The following PCDHGA1 variants were observed in gnomAD, a reference collection of about 807,000 sequenced individuals.
PCDHGA1 encodes the protein protocadherin gamma-A1.
PCDHGA1 carries 32 observed loss-of-function variants against 58.0 expected under a neutral mutation model. That is an observed-to-expected ratio of 0.55 (90% CI 0.42 to 0.74). PCDHGA1 has a LOEUF of 0.74. Ranked by LOEUF, PCDHGA1 falls within the 30% of genes least tolerant of loss-of-function variation. The pLI, the probability that PCDHGA1 is intolerant of heterozygous loss-of-function variation, is 0.00. For synonymous variants in PCDHGA1, 498 were observed against 501.1 expected, an observed-to-expected ratio of 0.99 and a Z score of 0.08; for missense variants, 1,205 against 1,182.3, an observed-to-expected ratio of 1.02 and a Z score of -0.28.
Position 141,476,340 on chromosome 5 carries a change from G to A in PCDHGA1, c.2422-18467G>A, listed in dbSNP as rs760616287. The A allele has an allele frequency of 2.2e-5, 36 of 1,614,068 alleles. No homozygotes were observed. In the Admixed American group the frequency reaches 2.5e-4, roughly 11 times the overall value. On this transcript the variant is annotated intron_variant, in intron 1 of 3. Transcript: ENST00000517417. The surrounding 1 kb of genome is among the most constrained non-coding windows in gnomAD (Gnocchi z 7.6). The stretch of plus-strand genomic sequence containing the variant: ...CGGGTGGTGTCTGGAGCTAGCCGAA[G>A]ATTCTTTGAGGTGAACCGGGAGACC...
At position 141,354,490 on chromosome 5, in the gene PCDHGA1, C is replaced by T. The variant is rs990013308; in HGVS notation, c.2421+21385C>T. On this transcript the variant is annotated intron_variant, in intron 1 of 3. Coordinates refer to ENST00000517417, the MANE Select transcript of PCDHGA1 (RefSeq NM_018912.3). Reference sequence around the variant, plus strand: ...GTACAGGGTAAGGCTAACTCTTGAACAGTAGGTGAGTTTTTTGCAAGGGAA... The same window carrying T: ...GTACAGGGTAAGGCTAACTCTTGAATAGTAGGTGAGTTTTTTGCAAGGGAA... Among the ~76,000 whole-genome samples, 11 of 152,206 alleles carry T rather than the reference C, an allele frequency of 7.2e-5. 1 individual carries two copies. Among genetic ancestry groups the T allele is most frequent in the Non-Finnish European group, 1.5e-4 (10 of 68,048 alleles).
chr5:141,389,398 T>A, intron 1 of PCDHGA1: 1 of 1,613,654 alleles, frequency 6.2e-7, no homozygotes. Flanking sequence ...TACGTGTCCA[T>A]AAGCGCGGAG....
In PCDHGA1 at chr5:141,486,709, C is replaced by G. The variant is rs1485764871; in HGVS notation, c.2422-8098C>G. ...CTTCCTCTTTCATCTCTCTGAACCC[C>G]CAGACAGGAGCTGTTCATGCTACTC... On this transcript the variant is annotated intron_variant, in intron 1 of 3. Coordinates refer to ENST00000517417, the MANE Select transcript of PCDHGA1 (RefSeq NM_018912.3). The surrounding 1 kb of genome is among the most constrained non-coding windows in gnomAD (Gnocchi z 5.0). 1 of 1,614,182 alleles carries G rather than the reference C, an allele frequency of 6.2e-7. No individual in the cohort carries two copies. Among genetic ancestry groups the G allele is most frequent in the Middle Eastern group, 1.6e-4 (1 of 6,062 alleles).
Position 141,491,742 on chromosome 5 carries a change from C to CA in PCDHGA1, c.2422-3064dup. The CA allele has an allele frequency of 3.1e-6, 5 of 1,596,114 alleles. No individual in the cohort carries two copies. Among genetic ancestry groups the CA allele is most frequent in the Non-Finnish European group, 4.3e-6 (5 of 1,172,424 alleles). ...CGCCCCGGGCGACCCCTGGGGGCGG[C>CA]ACTGGAGAAGCCGCCCGTCCTCATA... On this transcript the variant is annotated intron_variant, in intron 1 of 3. Coordinates refer to ENST00000517417, the MANE Select transcript of PCDHGA1 (RefSeq NM_018912.3). This position sits in a 1 kb window ranked among gnomAD's most constrained non-coding sequence, Gnocchi z 6.9.
chr5:141,391,206 C>G (rs1004320707), intron 1 of PCDHGA1: 14 of 152,076 alleles, frequency 9.2e-5, no homozygotes, highest in African/African-American at 3.4e-4. Flanking sequence ...TACAAAATAC[C>G]AAGGAACATT....
At chr5:141,400,539 T>C (rs1339848826) in intron 1 of PCDHGA1, 7 of 1,613,782 alleles carry the variant, frequency 4.3e-6, no homozygotes, top group African/African-American at 4.0e-5. Context: ...GTTTCATTTA[T>C]GTCTATTCTT....
rs1454034279 is a variant in PCDHGA1, at chr5:141,366,572, G to A, written c.2421+33467G>A. On this transcript the variant is annotated intron_variant, in intron 1 of 3. Transcript: ENST00000517417. Reference sequence around the variant, plus strand: ...CTTTGTGGGCGTGGATGGGGTTCGGGCTTTCCTGCAGACCTATTCCCACGA... The same window carrying A: ...CTTTGTGGGCGTGGATGGGGTTCGGACTTTCCTGCAGACCTATTCCCACGA... The A allele has an allele frequency of 1.9e-6, 3 of 1,614,148 alleles. No homozygotes were observed. The highest frequency in any genetic ancestry group is 1.7e-6 in the Non-Finnish European group (2 of 1,180,064).
chr5:141,392,931 G>T, intron 1 of PCDHGA1: 1 of 1,613,920 alleles, frequency 6.2e-7, no homozygotes, highest in Non-Finnish European at 8.5e-7. Context: ...AGAAGAGACG[G>T]ACAAAGGCTC....
At chr5:141,401,533 C>CA (rs902946394) in intron 1 of PCDHGA1, among the ~76,000 whole-genome samples, 5 of 151,672 alleles carry the variant, frequency 3.3e-5, no homozygotes, top group Admixed American at 6.6e-5. Flanking sequence ...AAGAAACTTA[C>CA]AAAAAAAAGG....
intron 1 of PCDHGA1, among the ~76,000 whole-genome samples, chr5:141,397,268 T>C (rs532503951): frequency 2.0e-5 from 3 of 152,180 alleles, no homozygotes; most frequent in African/African-American, 7.2e-5. Flanking sequence ...CTTAGCTACA[T>C]CATATGGGCA....
chr5:141,405,391 T>A, intron 1 of PCDHGA1: 1 of 1,595,892 alleles, frequency 6.3e-7, no homozygotes, highest in Non-Finnish European at 8.5e-7. Flanking sequence ...GTTCATTTTT[T>A]TTCTTTCTTT....
intron 1 of PCDHGA1, chr5:141,389,575 C>T: frequency 1.2e-6 from 2 of 1,613,242 alleles, no homozygotes; most frequent in African/African-American, 1.3e-5. Context: ...CTGTACCCCG[C>T]GCTGGGTCCC....
intron 1 of PCDHGA1, among the ~76,000 whole-genome samples, chr5:141,479,977 A>G (rs145953890): frequency 0.015 from 2,300 of 152,320 alleles, 30 homozygotes; most frequent in Non-Finnish European, 0.024. Context: ...AGGTTCTACC[A>G]TTTACCAACT....
At chr5:141,395,194 C>G in intron 1 of PCDHGA1, 1 of 1,613,922 alleles carries the variant, frequency 6.2e-7, no homozygotes, top group Non-Finnish European at 8.5e-7. Flanking sequence ...TTGTTAACAT[C>G]CGTAGATTTT....
At chr5:141,338,658 A>T (rs1351003503) in intron 1 of PCDHGA1, 1 of 270,420 alleles carries the variant, frequency 3.7e-6, no homozygotes, top group Non-Finnish European at 6.5e-6. Context: ...AAAGGCAAAC[A>T]AACAAGAAGT....
chr5:141,366,559 G>C, intron 1 of PCDHGA1: 2 of 1,614,270 alleles, frequency 1.2e-6, no homozygotes, highest in South Asian at 2.2e-5. Context: ...TTGTGGGCGT[G>C]GATGGGGTTC....
At chr5:141,347,137 C>CTCTTTCTTTCTTTCTTTCTTTCCT (rs1757893465) in intron 1 of PCDHGA1, among the ~76,000 whole-genome samples, 1 of 113,744 alleles carries the variant, frequency 8.8e-6, no homozygotes, top group African/African-American at 3.8e-5. Context: ...CTCTGTTTCT[C>CTCTTTCTTTCTTTCTTTCTTTCCT]TCTTTCTTTC....
chr5:141,418,064 A>T, intron 1 of PCDHGA1: 1 of 1,614,006 alleles, frequency 6.2e-7, no homozygotes, highest in Non-Finnish European at 8.5e-7. Flanking sequence ...GCTGCGAGTG[A>T]GCGCGGAGAA....
At chr5:141,340,651 C>T in intron 1 of PCDHGA1, 7 of 1,614,220 alleles carry the variant, frequency 4.3e-6, no homozygotes, top group South Asian at 2.2e-5. Context: ...ACAACGCGCC[C>T]GAGATCCTGT....
Sources: gnomAD v4.1 joint callset for allele counts (sites outside exome capture counted in the v4.1 genomes callset) on GRCh38, gnomAD v4.1.1 for gene constraint, Gnocchi (gnomAD v3.1) non-coding constraint, MANE v1.5 for transcripts, NCBI Gene and HGNC (gene_info 2026-07-23, HGNC 2026-07-21) for gene names.